SPSB4: variants seen among roughly 807,000 people sequenced by gnomAD.
The protein encoded by SPSB4 is SPRY domain-containing SOCS box protein 4.
In SPSB4, 21 loss-of-function variants were observed where a neutral mutation model predicts 20.9. The observed-to-expected ratio is 1.01, with a 90% CI of 0.71 to 1.45. The LOEUF (loss-of-function observed/expected upper bound fraction) is 1.45. Ranked by LOEUF, SPSB4 falls within the 40% of genes most tolerant of loss-of-function variation. The pLI, the probability that SPSB4 is intolerant of heterozygous loss-of-function variation, is 0.00. For synonymous variants in SPSB4, 207 were observed against 183.8 expected (o/e 1.13, Z -1.02); for missense variants, 399 against 399.2 (o/e 1.00, Z 0.00).
chr3:141,064,956 C>T (rs764213308), intron 1 of SPSB4, among the ~76,000 whole-genome samples: 2 of 152,196 alleles, frequency 1.3e-5, no homozygotes, highest in African/African-American at 4.8e-5. Context: ...CTCACCCATC[C>T]AAAGGGAGGG....
rs116972925 is a variant in SPSB4, at chr3:141,059,364, G to A, written c.-153-6588G>A. 3.2e-3 allele frequency among the ~76,000 whole-genome samples: 487 copies of A among 152,230 alleles called. 6 individuals are homozygous for A. The highest frequency in any genetic ancestry group is 0.022 in the East Asian group (114 of 5,184). On this transcript the variant is annotated intron_variant, in intron 1 of 2. Coordinates refer to ENST00000310546, the MANE Select transcript of SPSB4 (RefSeq NM_080862.3). Reference sequence around the variant, plus strand: ...ATGAAAAGAAGTTTAGTTGGCTCACGGTTCTGCAGGCTTTACAGGAAGCAC... The same window carrying A: ...ATGAAAAGAAGTTTAGTTGGCTCACAGTTCTGCAGGCTTTACAGGAAGCAC...
intron 2 of SPSB4, among the ~76,000 whole-genome samples, chr3:141,100,063 G>T (rs1015909991): frequency 2.0e-5 from 3 of 152,194 alleles, no homozygotes; most frequent in Non-Finnish European, 4.4e-5. Flanking sequence ...CTTTGCACAA[G>T]TGTCTCACTC....
intron 2 of SPSB4, among the ~76,000 whole-genome samples, chr3:141,132,846 T>C (rs1323473372): frequency 6.6e-6 from 1 of 152,200 alleles, no homozygotes; most frequent in Non-Finnish European, 1.5e-5. Flanking sequence ...AAACAGTAGT[T>C]CTACTTTTAG....
Position 141,066,737 on chromosome 3 carries a change from G to C in SPSB4, c.633G>C (p.Pro211=). The C allele has an allele frequency of 6.2e-7, 1 of 1,603,300 alleles. No individual in the cohort carries two copies. The stretch of plus-strand genomic sequence containing the variant: ...GTCTCAAGGGCAAGAAGCTGTACCC[G>C]GTGGTGAGTGCCGTGTGGGGCCACT... ...FRGLKGKKLY[P]VVSAVWGHCE... Residue 211 remains proline (P), a synonymous_variant, in exon 2 of 3, where the codon CCG becomes CCC. Transcript: ENST00000310546.
chr3:141,061,472 A>ATCTAAACAGATTTTT (rs1576514021), intron 1 of SPSB4, among the ~76,000 whole-genome samples: 1 of 152,052 alleles, frequency 6.6e-6, no homozygotes, highest in East Asian at 1.9e-4. Flanking sequence ...TTAAAGAAAA[A>ATCTAAACAGATTTTT]CTAAACAGAT....
intron 2 of SPSB4, among the ~76,000 whole-genome samples, chr3:141,144,858 T>C (rs1040792243): frequency 6.6e-6 from 1 of 152,212 alleles, no homozygotes; most frequent in Non-Finnish European, 1.5e-5. Context: ...CCTAGGGCAT[T>C]AAAGTGATAA....
intron 2 of SPSB4, among the ~76,000 whole-genome samples, chr3:141,137,702 A>T (rs1559857542): frequency 6.6e-6 from 1 of 152,182 alleles, no homozygotes; most frequent in Admixed American, 6.5e-5. Context: ...ATCATGGTGG[A>T]TAAGCTTTTT....
At chr3:141,108,998 C>A (rs866716167) in intron 2 of SPSB4, among the ~76,000 whole-genome samples, 9 of 152,336 alleles carry the variant, frequency 5.9e-5, no homozygotes, top group Middle Eastern at 6.8e-3. Flanking sequence ...GTGACCCCAC[C>A]GCTCTAACTG....
intron 1 of SPSB4, among the ~76,000 whole-genome samples, chr3:141,061,660 CT>C (rs1937764149): frequency 6.6e-6 from 1 of 150,618 alleles, no homozygotes. Flanking sequence ...TTCAGATTTC[CT>C]TTTTTTCTCA....
intron 2 of SPSB4, among the ~76,000 whole-genome samples, chr3:141,120,786 A>G (rs1158738650): frequency 2.0e-5 from 3 of 151,540 alleles, no homozygotes; most frequent in South Asian, 2.1e-4. Context: ...CCATCCCTTT[A>G]TTTTGAGCCT....
At chr3:141,080,650 G>C (rs1938213105) in intron 2 of SPSB4, among the ~76,000 whole-genome samples, 1 of 152,228 alleles carries the variant, frequency 6.6e-6, no homozygotes, top group Non-Finnish European at 1.5e-5. Context: ...CACCTGGGGT[G>C]GTGGAGCTCA....
At chr3:141,117,359 T>C (rs999411328) in intron 2 of SPSB4, among the ~76,000 whole-genome samples, 6 of 152,198 alleles carry the variant, frequency 3.9e-5, no homozygotes, top group Non-Finnish European at 7.3e-5. Context: ...GCTCTGCCTT[T>C]GCCCAACCAC....
At chr3:141,138,702 G>C (rs1939271787) in intron 2 of SPSB4, among the ~76,000 whole-genome samples, 1 of 152,186 alleles carries the variant, frequency 6.6e-6, no homozygotes, top group Non-Finnish European at 1.5e-5. Flanking sequence ...CTGAGAGACA[G>C]TTTGTTATAA....
intron 2 of SPSB4, among the ~76,000 whole-genome samples, chr3:141,139,511 G>A (rs1939287218): frequency 1.3e-5 from 2 of 152,220 alleles, no homozygotes; most frequent in Non-Finnish European, 1.5e-5. Context: ...TCCTTCAGGA[G>A]CTCTTTTAGG....
At chr3:141,072,311 A>G (rs1208778150) in intron 2 of SPSB4, among the ~76,000 whole-genome samples, 1 of 152,208 alleles carries the variant, frequency 6.6e-6, no homozygotes, top group African/African-American at 2.4e-5. Flanking sequence ...GGGACATCAT[A>G]TGTGCCTATT....
At chr3:141,126,787 T>C (rs147954671) in intron 2 of SPSB4, among the ~76,000 whole-genome samples, 88 of 152,248 alleles carry the variant, frequency 5.8e-4, no homozygotes, top group African/African-American at 1.9e-3. Flanking sequence ...TCTGTGAAAA[T>C]AGAGCCCACT....
At chr3:141,131,592 C>G (rs747956593) in intron 2 of SPSB4, among the ~76,000 whole-genome samples, 9 of 152,026 alleles carry the variant, frequency 5.9e-5, no homozygotes, top group Non-Finnish European at 8.8e-5. Context: ...GAAGACGTCA[C>G]ACAAAATGTA....
intron 2 of SPSB4, among the ~76,000 whole-genome samples, chr3:141,069,672 G>A (rs756800341): frequency 1.3e-4 from 20 of 152,176 alleles, no homozygotes; most frequent in Non-Finnish European, 2.4e-4. Context: ...GGCTGTTGGC[G>A]ATTGCCTCCT....
In SPSB4 at chr3:141,148,139, G is replaced by A. The variant is rs1939448044; in HGVS notation, c.*870G>A. 6.5e-6 allele frequency: 1 copy of A among 152,748 alleles called. No individual in the cohort carries two copies. Among genetic ancestry groups the A allele is most frequent in the Non-Finnish European group, 1.5e-5 (1 of 68,166 alleles). 9.5% of individuals were successfully genotyped at this position (152,748 alleles called of 1,614,324 possible). The stretch of plus-strand genomic sequence containing the variant: ...CCCAAGTCTGATGTGTCCTGGGTTG[G>A]GGGGCCTTCCTGGAGTGTCAGGGTC... On this transcript the variant is annotated 3_prime_UTR_variant, in exon 3 of 3. Transcript: ENST00000310546. This position sits in a 1 kb window ranked among gnomAD's most constrained non-coding sequence, Gnocchi z 4.5.
Sources: gnomAD v4.1 joint callset for allele counts (sites outside exome capture counted in the v4.1 genomes callset) on GRCh38, gnomAD v4.1.1 for gene constraint, Gnocchi (gnomAD v3.1) non-coding constraint, MANE v1.5 for transcripts, NCBI Gene and HGNC (gene_info 2026-07-23, HGNC 2026-07-21) for gene names.